Variants in DYRK2 observed in about 807,000 individuals in gnomAD.
DYRK2 encodes the protein dual specificity tyrosine phosphorylation regulated kinase 2.
In DYRK2, 12 loss-of-function variants were observed where a neutral mutation model predicts 41.6. The observed-to-expected ratio is 0.29, with a 90% CI of 0.18 to 0.47. The LOEUF (loss-of-function observed/expected upper bound fraction) is 0.47. Among genes scored for constraint, DYRK2 ranks in the 20% least tolerant of loss-of-function variants. The pLI, the probability that DYRK2 is intolerant of heterozygous loss-of-function variation, is 1.00. For missense variants in DYRK2, 678 were observed against 798.4 expected (o/e 0.85, Z 1.82); for synonymous variants, 322 against 315.7 (o/e 1.02, Z -0.21).
chr12:67,649,507 C>G (rs2120803107), intron 1 of DYRK2, among the ~76,000 whole-genome samples: 1 of 151,968 alleles, frequency 6.6e-6, no homozygotes, highest in South Asian at 2.1e-4. Context: ...ACCCACCTCC[C>G]GGCTGCTGGC....
At position 67,663,112 on chromosome 12, in the gene DYRK2, T is replaced by C. The variant is rs924646938; in HGVS notation, c.*4399T>C. 3 of 152,102 alleles carry C rather than the reference T, an allele frequency of 2.0e-5. No individual in the cohort carries two copies. The highest frequency in any genetic ancestry group is 7.2e-5 in the African/African-American group (3 of 41,440). 9.4% of individuals were successfully genotyped at this position (152,102 alleles called of 1,614,324 possible). A position where few individuals can be genotyped will look rare whatever the true frequency, so the allele number is the denominator to read the frequency against. ...GTTCTGGTAAATTATTCTAATGTGC[T>C]CTAACCAGTTCCACCCAATGTTTTT... On this transcript the variant is annotated 3_prime_UTR_variant, in exon 3 of 3. Transcript: ENST00000344096.
chr12:67,649,840 G>C lies in DYRK2; in HGVS notation c.93G>C (p.Pro31=). ...DSAVRQLQAS[P]GLGAGATRSG... is the part of the protein sequence containing the mutation. ...CCGTTCGTCAGCTTCAGGCTTCCCC[G>C]GGGCTCGGTGCAGGGGCCACCCGGA... Residue 31 remains proline, a synonymous_variant, in exon 2 of 3, where the codon CCG becomes CCC. Coordinates refer to ENST00000344096, the MANE Select transcript of DYRK2 (RefSeq NM_006482.3). 2 of 1,330,398 alleles carry C rather than the reference G, an allele frequency of 1.5e-6. No homozygotes were observed. Among genetic ancestry groups the C allele is most frequent in the Non-Finnish European group, 1.9e-6 (2 of 1,034,830 alleles). The allele number at this position is 1,330,398 out of a possible 1,614,324, so 82.4% of individuals were successfully genotyped here.
Position 67,662,118 on chromosome 12 carries a change from A to G in DYRK2, c.*3405A>G, listed in dbSNP as rs1245844197. The G allele has an allele frequency of 6.0e-6, 1 of 166,706 alleles. No individual in the cohort carries two copies. Among genetic ancestry groups the G allele is most frequent in the Non-Finnish European group, 1.5e-5 (1 of 68,074 alleles). 10.3% of individuals were successfully genotyped at this position (166,706 alleles called of 1,614,324 possible). On this transcript the variant is annotated 3_prime_UTR_variant, in exon 3 of 3. Coordinates refer to ENST00000344096, the MANE Select transcript of DYRK2 (RefSeq NM_006482.3). The stretch of plus-strand genomic sequence containing the variant: ...AAGTGTGAATTATTTTAAGGAGAGC[A>G]TTCATTTTTGTAATTTTTTTCATCA...
Position 67,658,989 on chromosome 12 carries a change from G to C in DYRK2, c.*276G>C, listed in dbSNP as rs1279873949. ...AGTGTGGCAGAATAATAACATCAGTGGCAGGCCACTGATTACTTCATGACT... is the reference window on the plus strand; with the variant it reads ...AGTGTGGCAGAATAATAACATCAGTCGCAGGCCACTGATTACTTCATGACT... On this transcript the variant is annotated 3_prime_UTR_variant, in exon 3 of 3. Coordinates refer to ENST00000344096, the MANE Select transcript of DYRK2 (RefSeq NM_006482.3). This position sits in a 1 kb window ranked among gnomAD's most constrained non-coding sequence, Gnocchi z 4.3. The C allele has an allele frequency of 3.5e-6, 1 of 288,850 alleles. No individual in the cohort carries two copies. Among genetic ancestry groups the C allele is most frequent in the Non-Finnish European group, 6.7e-6 (1 of 148,326 alleles). 17.9% of individuals were successfully genotyped at this position (288,850 alleles called of 1,614,324 possible).
Position 67,657,225 on chromosome 12 carries a change from A to G in DYRK2, c.318A>G (p.Thr106=). The G allele has an allele frequency of 6.2e-7, 1 of 1,614,174 alleles. No individual in the cohort carries two copies. The highest frequency in any genetic ancestry group is 8.5e-7 in the Non-Finnish European group (1 of 1,180,032). ...GTAACAAGCGGACAGTGCTCACGAC[A>G]CAACCAAATGGGCTTACAACAGTGG... The part of the protein sequence containing the change: ...DNSNKRTVLT[T]QPNGLTTVGK... Residue 106 remains threonine (T), a synonymous_variant, in exon 3 of 3, where the codon ACA becomes ACG. Transcript: ENST00000344096. This position sits in a 1 kb window ranked among gnomAD's most constrained non-coding sequence, Gnocchi z 4.8.
chr12:67,655,012 C>T (rs1872425423), intron 2 of DYRK2, among the ~76,000 whole-genome samples: 1 of 152,144 alleles, frequency 6.6e-6, no homozygotes, highest in Non-Finnish European at 1.5e-5. Flanking sequence ...GTAGTTGATG[C>T]TGCAAAGGAG....
At position 67,658,566 on chromosome 12, in the gene DYRK2, A is replaced by G; in HGVS notation, c.1659A>G (p.Ile553Met). 5.6e-6 allele frequency: 9 copies of G among 1,614,164 alleles called. No individual in the cohort carries two copies. The highest frequency in any genetic ancestry group is 7.6e-6 in the Non-Finnish European group (9 of 1,180,018). ...PTGEKTSVKRITESTGAITSI... is the reference protein window; with the variant it reads ...PTGEKTSVKRMTESTGAITSI... ...GGGAGAAAACGTCAGTGAAAAGGAT[A>G]ACTGAGAGCACCGGTGCTATCACAT... Residue 553 changes from isoleucine to methionine, a missense_variant, in exon 3 of 3, where the codon ATA (isoleucine) becomes ATG (methionine). Transcript: ENST00000344096. This position sits in a 1 kb window ranked among gnomAD's most constrained non-coding sequence, Gnocchi z 4.3.
rs1872252124 is a variant in DYRK2 at position 67,649,738 on chromosome 12, G to T, written c.50-59G>T. On this transcript the variant is annotated intron_variant, in intron 1 of 2. Coordinates refer to ENST00000344096, the MANE Select transcript of DYRK2 (RefSeq NM_006482.3). Reference sequence around the variant, plus strand: ...GCTGCCCAGCGGGGTTGGAGGGGGGGTCTGGGTGACTTTCTCCCCCCTGAC... The same window carrying T: ...GCTGCCCAGCGGGGTTGGAGGGGGGTTCTGGGTGACTTTCTCCCCCCTGAC... The T allele has an allele frequency of 4.6e-6, 6 of 1,298,628 alleles. No homozygotes were observed. The South Asian group carries it at 9.9e-5, about 21-fold the overall frequency. 80.4% of individuals were successfully genotyped at this position (1,298,628 alleles called of 1,614,324 possible).
In DYRK2 at chr12:67,658,086, G is replaced by A; in HGVS notation, c.1179G>A (p.Val393=). The A allele has an allele frequency of 6.2e-7, 1 of 1,614,254 alleles. No homozygotes were observed. Among genetic ancestry groups the A allele is most frequent in the East Asian group, 2.2e-5 (1 of 44,874 alleles). The change falls in exon 3 of 3, where the codon GTG becomes GTA. Residue 393 remains valine, a synonymous_variant. Coordinates refer to ENST00000344096, the MANE Select transcript of DYRK2 (RefSeq NM_006482.3). The surrounding 1 kb of genome is among the most constrained non-coding windows in gnomAD (Gnocchi z 4.3). The part of the protein sequence containing the change: ...IQSRFYRAPE[V]ILGARYGMPI... Reference sequence around the variant, plus strand: ...CGCGTTTTTACCGGGCTCCAGAAGTGATCCTTGGGGCCAGGTATGGCATGC... The same window carrying A: ...CGCGTTTTTACCGGGCTCCAGAAGTAATCCTTGGGGCCAGGTATGGCATGC...
In DYRK2 at chr12:67,661,640, AATAT is replaced by A. The variant is rs1328843560; in HGVS notation, c.*2928_*2931del. 2.4e-5 allele frequency: 4 copies of A among 167,054 alleles called. No individual in the cohort carries two copies. Among genetic ancestry groups the A allele is most frequent in the African/African-American group, 9.7e-5 (4 of 41,440 alleles). 10.3% of individuals were successfully genotyped at this position (167,054 alleles called of 1,614,324 possible). ...TCTCTGCAAAGATACATCTGTCTTAAATATCTAGTTACAGGCCTTAATAGAAACC... is the reference window on the plus strand; with the variant it reads ...TCTCTGCAAAGATACATCTGTCTTAACTAGTTACAGGCCTTAATAGAAACC... On this transcript the variant is annotated 3_prime_UTR_variant, in exon 3 of 3. Coordinates refer to ENST00000344096, the MANE Select transcript of DYRK2 (RefSeq NM_006482.3).
intron 2 of DYRK2, among the ~76,000 whole-genome samples, chr12:67,650,559 C>G (rs1035276891): frequency 4.6e-5 from 7 of 152,224 alleles, no homozygotes; most frequent in African/African-American, 1.7e-4. Context: ...CTGTAGGATT[C>G]TGCAGTTGGA....
At chr12:67,650,071 G>C (rs745890365) in intron 2 of DYRK2, 126 bp downstream of exon 2, 6 of 1,035,266 alleles carry the variant, frequency 5.8e-6, no homozygotes, top group African/African-American at 1.7e-5. Flanking sequence ...CCCACGCCTC[G>C]GGCCGATGGT....
At position 67,648,987 on chromosome 12, in the gene DYRK2, C is replaced by T. The variant is rs566133206; in HGVS notation, c.-147C>T. ...AGGGGATGCAGTGGACTGTGTGTGTCTGGCTGTAGCAGACGCGAGGCGGCG... is the reference window on the plus strand; with the variant it reads ...AGGGGATGCAGTGGACTGTGTGTGTTTGGCTGTAGCAGACGCGAGGCGGCG... On this transcript the variant is annotated 5_prime_UTR_variant, in exon 1 of 3. Coordinates refer to ENST00000344096, the MANE Select transcript of DYRK2 (RefSeq NM_006482.3). The T allele has an allele frequency of 8.7e-6, 5 of 572,862 alleles. No individual in the cohort carries two copies. The highest frequency in any genetic ancestry group is 4.1e-5 in the East Asian group (1 of 24,218). 35.5% of individuals were successfully genotyped at this position (572,862 alleles called of 1,614,324 possible). A position where few individuals can be genotyped will look rare whatever the true frequency, so the allele number is the denominator to read the frequency against.
chr12:67,654,727 G>T (rs567133640), intron 2 of DYRK2, among the ~76,000 whole-genome samples: 34 of 152,324 alleles, frequency 2.2e-4, no homozygotes, highest in Middle Eastern at 3.4e-3. Context: ...GATTATGGAA[G>T]TGGGAAACTG....
rs752009659 is a variant in DYRK2, at chr12:67,657,315, C to G, written c.408C>G (p.Ser136Arg). The change falls in exon 3 of 3, where the codon AGC becomes AGG. Residue 136 changes from serine to arginine, a missense_variant. Ser to Arg is a moderately radical substitution (Grantham distance 110). Around this residue, in one of 2 missense-constraint regions of DYRK2, gnomAD observed 285 missense variants for 279.2 expected, o/e 1.02. Coordinates refer to ENST00000344096, the MANE Select transcript of DYRK2 (RefSeq NM_006482.3). The surrounding 1 kb of genome is among the most constrained non-coding windows in gnomAD (Gnocchi z 4.8). ...QLDSIHRRQG[S>R]STSLKSMEGM... ...ACAGCATTCATAGACGGCAGGGGAGCTCCACCTCTCTAAAGTCCATGGAAG... is the reference window on the plus strand; with the variant it reads ...ACAGCATTCATAGACGGCAGGGGAGGTCCACCTCTCTAAAGTCCATGGAAG... 1 of 1,613,798 alleles carries G rather than the reference C, an allele frequency of 6.2e-7. No individual in the cohort carries two copies. Among genetic ancestry groups the G allele is most frequent in the East Asian group, 2.2e-5 (1 of 44,870 alleles).
intron 1 of DYRK2, 59 bp downstream of exon 1, chr12:67,649,241 C>G (rs1872231034): frequency 1.8e-5 from 23 of 1,265,612 alleles, no homozygotes; most frequent in Admixed American, 8.4e-5. Context: ...TGGGCAGCCC[C>G]TGTGGCGCGG....
intron 1 of DYRK2, 105 bp from the exon 2 acceptor site, chr12:67,649,691 CT>C: frequency 8.4e-7 from 1 of 1,197,076 alleles, no homozygotes; most frequent in Non-Finnish European, 1.1e-6. Flanking sequence ...CTTCCTCCGT[CT>C]TTCTTTGGAA....
Position 67,649,063 on chromosome 12 carries a change from G to A in DYRK2, c.-71G>A. On this transcript the variant is annotated 5_prime_UTR_variant, in exon 1 of 3. Transcript: ENST00000344096. ...GGGCGGCCGGGAGGCGGCGGCGGCG[G>A]CCGCCAGAAGTAGCAGCAGGACCGG... is the stretch of plus-strand genomic sequence containing the variant. 7.5e-7 allele frequency: 1 copy of A among 1,340,130 alleles called. No individual in the cohort carries two copies. Among genetic ancestry groups the A allele is most frequent in the Non-Finnish European group, 9.8e-7 (1 of 1,022,626 alleles). 83.0% of individuals were successfully genotyped at this position (1,340,130 alleles called of 1,614,324 possible). A position where few individuals can be genotyped will look rare whatever the true frequency, so the allele number is the denominator to read the frequency against.
chr12:67,652,509 AGACT>A (rs1872349518), intron 2 of DYRK2: 2 of 152,200 alleles, frequency 1.3e-5, no homozygotes, highest in African/African-American at 4.8e-5. Context: ...AGGGCCACAC[AGACT>A]GTCAGAATGT....
Sources: allele counts gnomAD v4.1 joint callset (sites outside exome capture counted in the v4.1 genomes callset), GRCh38; gene constraint gnomAD v4.1.1; regional missense constraint gnomAD v4.1.1; non-coding constraint Gnocchi (gnomAD v3.1); transcripts MANE v1.5; gene names NCBI Gene and HGNC (gene_info 2026-07-23, HGNC 2026-07-21).